TBX10: variants seen among roughly 807,000 people sequenced by gnomAD.
TBX10 encodes T-box transcription factor TBX10.
TBX10 carries 26 observed loss-of-function variants against 32.4 expected under a neutral mutation model. The ratio of observed to expected loss-of-function variants is 0.80; its 90% CI spans 0.59 to 1.11. The LOEUF is 1.11. Among genes scored for constraint, TBX10 ranks in the 50% most tolerant of loss-of-function variants. TBX10 has a pLI of 0.00. For missense variants in TBX10, 490 were observed against 494.5 expected, an observed-to-expected ratio of 0.99 and a Z score of 0.09; for synonymous variants, 195 against 203.1, an observed-to-expected ratio of 0.96 and a Z score of 0.34.
upstream of TBX10, among the ~76,000 whole-genome samples, chr11:67,640,637 T>C (rs1038519732): frequency 6.6e-6 from 1 of 152,176 alleles, no homozygotes; most frequent in Admixed American, 6.5e-5. Flanking sequence ...AGTTCCTTGG[T>C]TGAGAGTGCT....
In TBX10 at chr11:67,632,934, G is replaced by C. The variant is rs375999988; in HGVS notation, c.705+14C>G. ...ATGGGCCTGCAGCGGGTGCTCCCGA[G>C]CTGGTTCACCCACCCTGTGGTTCTG... On this transcript the variant is annotated intron_variant, in intron 5 of 7. Transcript: ENST00000335385. The C allele has an allele frequency of 1.2e-4, 189 of 1,614,060 alleles. No homozygotes were observed. Among genetic ancestry groups the C allele is most frequent in the Middle Eastern group, 6.6e-4 (4 of 6,084 alleles).
intron 4 of TBX10, among the ~76,000 whole-genome samples, chr11:67,633,803 A>C (rs902017084): frequency 6.6e-6 from 1 of 152,096 alleles, no homozygotes; most frequent in African/African-American, 2.4e-5. Context: ...CGCTGGGGAC[A>C]GTGTCTTCTG....
chr11:67,631,693 C>A lies in TBX10; in HGVS notation c.1070G>T (p.Arg357Met), dbSNP rs1818931332. 1 of 1,608,758 alleles carries A rather than the reference C, an allele frequency of 6.2e-7. No individual in the cohort carries two copies. The change falls in exon 8 of 8, where the codon AGG becomes ATG. Residue 357 changes from arginine (R) to methionine (M), a missense_variant. Arg to Met is a moderately conservative substitution (Grantham distance 91, BLOSUM62 -1). Coordinates refer to ENST00000335385, the MANE Select transcript of TBX10 (RefSeq NM_005995.5). ...TGGGAGAGGCAGGCCTCCTTGATCCCTATCAGCCCGGATGTTGGGGAGGGG... is the reference window on the plus strand; with the variant it reads ...TGGGAGAGGCAGGCCTCCTTGATCCATATCAGCCCGGATGTTGGGGAGGGG... ...PYPLPNIRAD[R>M]DQGGLPLPAG...
chr11:67,631,807 G>A lies in TBX10; in HGVS notation c.956C>T (p.Pro319Leu), dbSNP rs1383931306. The A allele has an allele frequency of 3.8e-6, 6 of 1,589,266 alleles. No homozygotes were observed. Among genetic ancestry groups the A allele is most frequent in the Non-Finnish European group, 4.3e-6 (5 of 1,168,406 alleles). The change falls in exon 8 of 8, where the codon CCG becomes CTG. Residue 319 changes from proline (P) to leucine (L), a missense_variant. Physicochemically the swap from Pro to Leu is moderately conservative, Grantham distance 98. This residue lies in a region of TBX10 where 177 missense variants were observed against 176.6 expected (regional missense o/e 1.00). Transcript: ENST00000335385. ...LLPPPEVLLA[P>L]ATYRPVTYQS... is the part of the protein sequence containing the mutation. ...ATACGTGACAGGCCTGTAGGTGGCC[G>A]GGGCCAGCAGGACCTCAGGTGGGGG...
chr11:67,637,731 A>T (rs1565235276), intron 1 of TBX10, among the ~76,000 whole-genome samples: 1 of 150,844 alleles, frequency 6.6e-6, no homozygotes, highest in Non-Finnish European at 1.5e-5. Flanking sequence ...AAATATATTG[A>T]TTTTTTTTTA....
At chr11:67,632,101 A>C (rs1294238880) in intron 7 of TBX10, among the ~76,000 whole-genome samples, 8 of 151,850 alleles carry the variant, frequency 5.3e-5, no homozygotes, top group Admixed American at 2.0e-4. Flanking sequence ...CTTGAGAGCC[A>C]CCTCCTGCAG....
Position 67,639,453 on chromosome 11 carries a change from G to C in TBX10, c.7+13C>G, listed in dbSNP as rs779562790. 1.4e-6 allele frequency: 2 copies of C among 1,471,054 alleles called. No individual in the cohort carries two copies. The highest frequency in any genetic ancestry group is 2.2e-5 in the South Asian group (2 of 89,140). The allele number at this position is 1,471,054 out of a possible 1,614,324, so 91.1% of individuals were successfully genotyped here. A position where few individuals can be genotyped will look rare whatever the true frequency, so the allele number is the denominator to read the frequency against. On this transcript the variant is annotated intron_variant, in intron 1 of 7. Coordinates refer to ENST00000335385, the MANE Select transcript of TBX10 (RefSeq NM_005995.5). ...GACCCATGAGGCCACCTCTGCTTCA[G>C]AACGTAGCCTACCTGCCATGGAGAC...
Position 67,635,012 on chromosome 11 carries a change from C to T in TBX10, c.259G>A (p.Val87Ile), listed in dbSNP as rs141787375. ...TGCTCACACCTGCCTGCCTTGGTGA[C>T]GATCATCTCAGTGCCCAGCTGGTTG... ...EFNQLGTEMI[V>I]TKAGRRMFPP... Residue 87 changes from valine (V) to isoleucine (I), a missense_variant, in exon 2 of 8, where the codon GTC (valine) becomes ATC (isoleucine). Coordinates refer to ENST00000335385, the MANE Select transcript of TBX10 (RefSeq NM_005995.5). 1.2e-4 allele frequency: 195 copies of T among 1,613,622 alleles called. No homozygotes were observed. Among genetic ancestry groups the T allele is most frequent in the African/African-American group, 9.5e-4 (71 of 75,054 alleles).
At chr11:67,640,792 G>A (rs372357720), upstream of TBX10, among the ~76,000 whole-genome samples, 5 of 152,154 alleles carry the variant, frequency 3.3e-5, no homozygotes, top group Admixed American at 1.3e-4. Flanking sequence ...GCTGGGGGGC[G>A]GCAGGGCTGC....
At chr11:67,638,885 A>C (rs1855367567) in intron 1 of TBX10, among the ~76,000 whole-genome samples, 1 of 152,068 alleles carries the variant, frequency 6.6e-6, no homozygotes, top group Non-Finnish European at 1.5e-5. Flanking sequence ...AGGTGATGCC[A>C]GCCCCCCTGG....
chr11:67,638,210 AAAAT>A (rs3029208), intron 1 of TBX10, among the ~76,000 whole-genome samples: 2,808 of 149,776 alleles, frequency 0.019, 73 homozygotes, highest in African/African-American at 0.056. Flanking sequence ...TCTGTCTCAA[AAAAT>A]AAATAAATAA....
In TBX10 at chr11:67,631,321, T is replaced by G; in HGVS notation, c.*284A>C. On this transcript the variant is annotated 3_prime_UTR_variant, in exon 8 of 8. Coordinates refer to ENST00000335385, the MANE Select transcript of TBX10 (RefSeq NM_005995.5). ...TGACCACTCATGCCAAATAGTTTAA[T>G]GTTAGGGGGAAGGGAGAGGTAAGGC... The G allele has an allele frequency of 6.1e-6, 3 of 489,308 alleles. No homozygotes were observed. The highest frequency in any genetic ancestry group is 3.9e-5 in the East Asian group (1 of 25,792). 30.3% of individuals were successfully genotyped at this position (489,308 alleles called of 1,614,324 possible).
chr11:67,635,033 G>T lies in TBX10; in HGVS notation c.238C>A (p.Gln80Lys). 2 of 1,613,774 alleles carry T rather than the reference G, an allele frequency of 1.2e-6. No individual in the cohort carries two copies. Among genetic ancestry groups the T allele is most frequent in the Non-Finnish European group, 8.5e-7 (1 of 1,180,026 alleles). ...GTGACGATCATCTCAGTGCCCAGCTGGTTGAATTCCTCCCACAGAGGCTTC... is the reference window on the plus strand; with the variant it reads ...GTGACGATCATCTCAGTGCCCAGCTTGTTGAATTCCTCCCACAGAGGCTTC... ...EMKPLWEEFN[Q>K]LGTEMIVTKA... Residue 80 changes from glutamine to lysine, a missense_variant, in exon 2 of 8, where the codon CAG becomes AAG. Gln to Lys is a moderately conservative substitution (Grantham distance 53). Transcript: ENST00000335385.
intron 1 of TBX10, among the ~76,000 whole-genome samples, chr11:67,637,054 G>A (rs1429066402): frequency 6.6e-6 from 1 of 152,204 alleles, no homozygotes; most frequent in Non-Finnish European, 1.5e-5. Context: ...GAGTCCTGAA[G>A]ATGCTGTTAC....
At chr11:67,633,213 G>T in intron 4 of TBX10, 110 bp from the exon 5 acceptor site, 2 of 1,375,950 alleles carry the variant, frequency 1.5e-6, no homozygotes, top group Non-Finnish European at 2.0e-6. Context: ...CTGCCACCCT[G>T]TTCCTTTCAT....
At chr11:67,631,937 C>G in intron 7 of TBX10, 43 bp from the exon 8 acceptor site, 2 of 1,552,060 alleles carry the variant, frequency 1.3e-6, no homozygotes, top group Non-Finnish European at 1.7e-6. Context: ...CCATCGCATC[C>G]TCATCCCTCA....
In TBX10 at chr11:67,632,668, G is replaced by A. The variant is rs199979423; in HGVS notation, c.708C>T (p.Ile236=). The A allele has an allele frequency of 1.5e-5, 25 of 1,614,022 alleles. No individual in the cohort carries two copies. The African/African-American group carries it at 2.9e-4, about 19-fold the overall frequency. The change falls in exon 6 of 8, where the codon ATC becomes ATT. Residue 236 remains isoleucine, a splice_region_variant and synonymous_variant. Coordinates refer to ENST00000335385, the MANE Select transcript of TBX10 (RefSeq NM_005995.5). ...TAVTAYQNHR[I]TQLKIASNPF... ...GGTTGCTGGCGATTTTCAGCTGGGT[G>A]ATCTGCAGGAGACAAAGTGCAGTTG...
intron 1 of TBX10, among the ~76,000 whole-genome samples, chr11:67,637,617 C>T (rs1855348865): frequency 6.6e-6 from 1 of 152,172 alleles, no homozygotes; most frequent in South Asian, 2.1e-4. Flanking sequence ...GTAAAAACAC[C>T]TTCAAATAAG....
upstream of TBX10, among the ~76,000 whole-genome samples, chr11:67,639,989 G>A (rs986359606): frequency 6.6e-6 from 1 of 152,220 alleles, no homozygotes; most frequent in Non-Finnish European, 1.5e-5. Context: ...GACTGGAGGG[G>A]CTGGGGCCCC....
Sources: gnomAD v4.1 joint callset for allele counts (sites outside exome capture counted in the v4.1 genomes callset) on GRCh38, gnomAD v4.1.1 for gene constraint, gnomAD v4.1.1 regional missense constraint, MANE v1.5 for transcripts, NCBI Gene and HGNC (gene_info 2026-07-23, HGNC 2026-07-21) for gene names.